Variants in CTNNBL1 observed in about 807,000 individuals in gnomAD.
CTNNBL1 encodes the protein catenin beta like 1, also known as beta-catenin-like protein 1.
In CTNNBL1, 31 loss-of-function variants were observed where a neutral mutation model predicts 72.7. The ratio of observed to expected loss-of-function variants is 0.43; its 90% CI spans 0.32 to 0.58. The LOEUF (loss-of-function observed/expected upper bound fraction) is 0.58. Ranked by LOEUF, CTNNBL1 falls within the 20% of genes least tolerant of loss-of-function variation. The probability of loss-of-function intolerance (pLI) is 0.08; values close to 1 mark genes in which losing one functional copy is unlikely to be tolerated. For missense variants in CTNNBL1, 534 were observed against 725.1 expected, an observed-to-expected ratio of 0.74 and a Z score of 3.03; for synonymous variants, 240 against 267.3, an observed-to-expected ratio of 0.90 and a Z score of 1.00.
chr20:37,867,990 C>G (rs555809381), intron 15 of CTNNBL1, among the ~76,000 whole-genome samples: 1 of 152,274 alleles, frequency 6.6e-6, no homozygotes, highest in East Asian at 1.9e-4. Context: ...GGGCCTGGCT[C>G]CGTGGCCGGC....
intron 15 of CTNNBL1, among the ~76,000 whole-genome samples, chr20:37,867,865 G>T (rs971797914): frequency 6.6e-6 from 1 of 152,152 alleles, no homozygotes; most frequent in Non-Finnish European, 1.5e-5. Context: ...TAGAAACAAA[G>T]AATGAGCAAG....
At chr20:37,856,959 C>G (rs2072448494) in intron 13 of CTNNBL1, among the ~76,000 whole-genome samples, 1 of 152,154 alleles carries the variant, frequency 6.6e-6, no homozygotes, top group Admixed American at 6.5e-5. Context: ...AACACTGTAC[C>G]AAGTTACTCA....
intron 10 of CTNNBL1, among the ~76,000 whole-genome samples, chr20:37,790,900 C>T (rs1461711376): frequency 6.6e-6 from 1 of 152,192 alleles, no homozygotes; most frequent in East Asian, 1.9e-4. Flanking sequence ...CTTTGTGCCC[C>T]TTTGTAATTC....
chr20:37,857,415 C>T (rs376010263), intron 13 of CTNNBL1, among the ~76,000 whole-genome samples: 1 of 152,196 alleles, frequency 6.6e-6, no homozygotes, highest in African/African-American at 2.4e-5. Flanking sequence ...CCAACACCCC[C>T]CAGGCCAAAG....
In CTNNBL1 at chr20:37,739,345, G is replaced by A. The variant is rs116501563; in HGVS notation, c.326+1861G>A. Among the ~76,000 whole-genome samples the A allele has an allele frequency of 9.9e-3, 1,504 of 151,978 alleles. 27 individuals are homozygous for A. Among genetic ancestry groups the A allele is most frequent in the African/African-American group, 0.035 (1,434 of 41,446 alleles). On this transcript the variant is annotated intron_variant, in intron 3 of 15. Coordinates refer to ENST00000361383, the MANE Select transcript of CTNNBL1 (RefSeq NM_030877.5). The stretch of plus-strand genomic sequence containing the variant: ...GGTCATCTAACAGATCTGTCCAGGT[G>A]GTACATGCATATCTACCTTGTGTTT...
intron 1 of CTNNBL1, among the ~76,000 whole-genome samples, chr20:37,718,390 G>A (rs1315644955): frequency 3.0e-5 from 4 of 132,080 alleles, no homozygotes; most frequent in Admixed American, 7.4e-5. Flanking sequence ...CCTCCGGGAC[G>A]GGGCGGCTGG....
intron 11 of CTNNBL1, among the ~76,000 whole-genome samples, chr20:37,807,323 C>T (rs981831253): frequency 2.6e-5 from 4 of 152,194 alleles, no homozygotes; most frequent in Non-Finnish European, 4.4e-5. Context: ...CTGTCTCCAC[C>T]TCTGCCCACC....
At chr20:37,866,611 C>T (rs1448724989) in intron 15 of CTNNBL1, among the ~76,000 whole-genome samples, 1 of 152,224 alleles carries the variant, frequency 6.6e-6, no homozygotes, top group Non-Finnish European at 1.5e-5. Context: ...TGTCCAAGCT[C>T]ACCCAGGAAC....
chr20:37,827,247 C>T (rs1479147039), intron 11 of CTNNBL1, among the ~76,000 whole-genome samples: 1 of 152,142 alleles, frequency 6.6e-6, no homozygotes, highest in African/African-American at 2.4e-5. Context: ...TATTGACAGG[C>T]CATTATGAAC....
intron 1 of CTNNBL1, among the ~76,000 whole-genome samples, chr20:37,695,414 C>T (rs111734680): frequency 6.6e-6 from 1 of 152,088 alleles, no homozygotes; most frequent in African/African-American, 2.4e-5. Context: ...AAGATGGTCT[C>T]AAACTCCTAG....
At chr20:37,825,228 C>T (rs780635929) in intron 11 of CTNNBL1, among the ~76,000 whole-genome samples, 2 of 152,052 alleles carry the variant, frequency 1.3e-5, no homozygotes, top group Non-Finnish European at 2.9e-5. Context: ...TGGCAGGCAC[C>T]TGTAATCCCA....
At chr20:37,737,019 C>A (rs1265661454) in intron 2 of CTNNBL1, among the ~76,000 whole-genome samples, 1 of 151,882 alleles carries the variant, frequency 6.6e-6, no homozygotes. Flanking sequence ...GTCAGGAGAT[C>A]GAGACCATCC....
At chr20:37,840,453 G>A (rs1184781671) in intron 12 of CTNNBL1, among the ~76,000 whole-genome samples, 3 of 152,208 alleles carry the variant, frequency 2.0e-5, no homozygotes, top group African/African-American at 7.2e-5. Flanking sequence ...CCCAAAGAGC[G>A]TGGATTAGAC....
At chr20:37,730,354 T>C (rs1331346485) in intron 1 of CTNNBL1, among the ~76,000 whole-genome samples, 2 of 152,238 alleles carry the variant, frequency 1.3e-5, no homozygotes, top group Non-Finnish European at 2.9e-5. Context: ...AAATGTTTTG[T>C]TGGAGAAGAC....
At chr20:37,721,356 C>G (rs1600443850) in intron 1 of CTNNBL1, among the ~76,000 whole-genome samples, 1 of 152,152 alleles carries the variant, frequency 6.6e-6, no homozygotes, top group African/African-American at 2.4e-5. Flanking sequence ...AGCTGGTTAT[C>G]CTGTTGACTC....
intron 1 of CTNNBL1, among the ~76,000 whole-genome samples, chr20:37,706,156 G>A (rs2072882743): frequency 6.6e-6 from 1 of 152,196 alleles, no homozygotes; most frequent in Non-Finnish European, 1.5e-5. Context: ...GCTGGTGGAT[G>A]GAGGGTCTTG....
At chr20:37,807,061 C>A (rs757152100) in intron 11 of CTNNBL1, among the ~76,000 whole-genome samples, 6 of 152,148 alleles carry the variant, frequency 3.9e-5, no homozygotes, top group Non-Finnish European at 8.8e-5. Context: ...CGTCATAGCC[C>A]CTGTCACCTC....
At chr20:37,696,219 C>T (rs2072790131) in intron 1 of CTNNBL1, among the ~76,000 whole-genome samples, 1 of 152,054 alleles carries the variant, frequency 6.6e-6, no homozygotes, top group South Asian at 2.1e-4. Flanking sequence ...TGGGAAGTTA[C>T]AAGATAATAA....
At chr20:37,825,977 G>A (rs779280725) in intron 11 of CTNNBL1, among the ~76,000 whole-genome samples, 3 of 152,252 alleles carry the variant, frequency 2.0e-5, no homozygotes, top group South Asian at 4.1e-4. Flanking sequence ...CACAGGAGGC[G>A]GCGGTGTACA....
Sources: gnomAD v4.1 joint callset for allele counts (sites outside exome capture counted in the v4.1 genomes callset) on GRCh38, gnomAD v4.1.1 for gene constraint, MANE v1.5 for transcripts, NCBI Gene and HGNC (gene_info 2026-07-23, HGNC 2026-07-21) for gene names.